Variants in NTM observed in about 807,000 individuals in gnomAD.
NTM encodes the protein IgLON family member 2.
A neutral mutation model predicts 42.1 loss-of-function variants in NTM; 13 were observed. The observed-to-expected ratio is 0.31, with a 90% confidence interval of 0.20 to 0.49. The LOEUF is 0.49. Among genes scored for constraint, NTM ranks in the 20% least tolerant of loss-of-function variants. The pLI is 0.99. For synonymous variants in NTM, 187 were observed against 179.2 expected, an observed-to-expected ratio of 1.04 and a Z score of -0.35; for missense variants, 373 against 452.8, an observed-to-expected ratio of 0.82 and a Z score of 1.60.
At chr11:131,621,813 C>A (rs1321246638) in intron 1 of NTM, among the ~76,000 whole-genome samples, 19 of 133,608 alleles carry the variant, frequency 1.4e-4, no homozygotes, top group African/African-American at 5.3e-4. Flanking sequence ...CAGAGCAAGA[C>A]CTCAACTCAA....
chr11:131,424,156 C>T (rs1591627488), intron 1 of NTM, among the ~76,000 whole-genome samples: 1 of 152,272 alleles, frequency 6.6e-6, no homozygotes, highest in East Asian at 1.9e-4. Flanking sequence ...AAATGCCTTG[C>T]ACCATTACAT....
At chr11:132,151,252 T>G (rs11222955) in intron 3 of NTM, among the ~76,000 whole-genome samples, 1 of 152,048 alleles carries the variant, frequency 6.6e-6, no homozygotes, top group Non-Finnish European at 1.5e-5. Context: ...GGATAAAACA[T>G]TCAGTGGGAA....
intron 1 of NTM, among the ~76,000 whole-genome samples, chr11:131,800,783 AC>A (rs1463468919): frequency 6.6e-6 from 1 of 152,076 alleles, no homozygotes; most frequent in Admixed American, 6.5e-5. Flanking sequence ...AGACATCACA[AC>A]CTCCAAAAAC....
intron 1 of NTM, among the ~76,000 whole-genome samples, chr11:131,716,654 T>A (rs2077721290): frequency 6.6e-6 from 1 of 152,200 alleles, no homozygotes; most frequent in African/African-American, 2.4e-5. Context: ...CCATGTGTCT[T>A]TTTTGGTGAA....
At chr11:131,940,554 A>G (rs2059687233) in intron 2 of NTM, among the ~76,000 whole-genome samples, 1 of 152,244 alleles carries the variant, frequency 6.6e-6, no homozygotes, top group African/African-American at 2.4e-5. Context: ...TTATAGACAT[A>G]TAGACATAGT....
At chr11:132,063,509 G>T (rs1359125367) in intron 2 of NTM, among the ~76,000 whole-genome samples, 1 of 152,154 alleles carries the variant, frequency 6.6e-6, no homozygotes, top group East Asian at 1.9e-4. Context: ...TCAAAATAGT[G>T]GTGGATTCCA....
chr11:131,864,726 C>A (rs2046967893), intron 1 of NTM, among the ~76,000 whole-genome samples: 1 of 152,184 alleles, frequency 6.6e-6, no homozygotes, highest in African/African-American at 2.4e-5. Flanking sequence ...CCCTATGTGC[C>A]ACCTCTGACC....
chr11:131,833,434 A>ACAG (rs2043076041), intron 1 of NTM, among the ~76,000 whole-genome samples: 1 of 152,212 alleles, frequency 6.6e-6, no homozygotes, highest in South Asian at 2.1e-4. Flanking sequence ...TCCCTATTTT[A>ACAG]CAGGGAAGAA....
At chr11:131,613,778 C>T (rs2061660006) in intron 1 of NTM, among the ~76,000 whole-genome samples, 1 of 152,058 alleles carries the variant, frequency 6.6e-6, no homozygotes, top group Admixed American at 6.5e-5. Flanking sequence ...CCCAAAGCCA[C>T]ACAGCCCGTA....
intron 1 of NTM, among the ~76,000 whole-genome samples, chr11:131,584,463 G>T (rs1192843085): frequency 6.6e-6 from 1 of 152,162 alleles, no homozygotes; most frequent in South Asian, 2.1e-4. Flanking sequence ...TGGAGTGTGG[G>T]AAGTGAGAAT....
intron 1 of NTM, among the ~76,000 whole-genome samples, chr11:131,641,788 A>G (rs1592331236): frequency 6.7e-6 from 1 of 148,556 alleles, no homozygotes; most frequent in African/African-American, 2.5e-5. Flanking sequence ...GTGCAGTAGC[A>G]TGATCTCGGC....
chr11:131,588,407 T>C (rs138705723), intron 1 of NTM, among the ~76,000 whole-genome samples: 135 of 152,352 alleles, frequency 8.9e-4, no homozygotes, highest in Non-Finnish European at 1.7e-3. Flanking sequence ...AAATCCTTTC[T>C]CTTGACCACT....
chr11:131,731,920 A>G (rs2079743520), intron 1 of NTM, among the ~76,000 whole-genome samples: 1 of 152,134 alleles, frequency 6.6e-6, no homozygotes, highest in South Asian at 2.1e-4. Context: ...CCAAGCCTCT[A>G]TCTGTACACG....
At chr11:131,860,423 C>T (rs2046514809) in intron 1 of NTM, among the ~76,000 whole-genome samples, 1 of 152,160 alleles carries the variant, frequency 6.6e-6, no homozygotes. Flanking sequence ...ACTGTCCCTC[C>T]ACAAAAATGC....
chr11:131,556,042 G>C (rs1451745147), intron 1 of NTM, among the ~76,000 whole-genome samples: 2 of 152,222 alleles, frequency 1.3e-5, no homozygotes, highest in Non-Finnish European at 2.9e-5. Flanking sequence ...GAAAATGATA[G>C]TTTCATATCT....
At chr11:131,904,717 T>G (rs2053618990) in intron 1 of NTM, among the ~76,000 whole-genome samples, 1 of 152,174 alleles carries the variant, frequency 6.6e-6, no homozygotes, top group Admixed American at 6.5e-5. Flanking sequence ...TTTTGTCAGG[T>G]GGATTGGCTA....
chr11:132,299,068 G>A (rs372966547), intron 4 of NTM, among the ~76,000 whole-genome samples: 8 of 152,162 alleles, frequency 5.3e-5, no homozygotes, highest in Non-Finnish European at 1.0e-4. Flanking sequence ...GGCCAAGAAG[G>A]GTGGATCATG....
intron 4 of NTM, among the ~76,000 whole-genome samples, chr11:132,215,161 C>T (rs2083573236): frequency 6.6e-6 from 1 of 152,206 alleles, no homozygotes; most frequent in African/African-American, 2.4e-5. Context: ...GCGGAGGCTC[C>T]AAAGAAAGAG....
intron 1 of NTM, among the ~76,000 whole-genome samples, chr11:131,580,214 A>G (rs1446616769): frequency 1.3e-5 from 2 of 152,068 alleles, no homozygotes; most frequent in Admixed American, 6.5e-5. Context: ...AACATCCCCA[A>G]TCAGTCATTT....
Sources: allele counts gnomAD v4.1 joint callset (sites outside exome capture counted in the v4.1 genomes callset), GRCh38; gene constraint gnomAD v4.1.1; transcripts MANE v1.5; gene names NCBI Gene and HGNC (gene_info 2026-07-23, HGNC 2026-07-21).